STAB2: variants seen among roughly 807,000 people sequenced by gnomAD.
The protein encoded by STAB2 is stabilin-2.
Under a neutral mutation model 338.1 loss-of-function variants are expected in STAB2, and 288 were observed. That is an observed-to-expected ratio of 0.85 (90% CI 0.77 to 0.94). The LOEUF (loss-of-function observed/expected upper bound fraction) is 0.94. Ranked by LOEUF, STAB2 falls within the 40% of genes least tolerant of loss-of-function variation. The pLI is 0.00. For missense variants in STAB2, 3,141 were observed against 3,210.1 expected (o/e 0.98, Z 0.52); for synonymous variants, 1,202 against 1,193.3 (o/e 1.01, Z -0.15).
Position 103,675,990 on chromosome 12 carries a change from C to T in STAB2, c.2615C>T (p.Thr872Ile), listed in dbSNP as rs1876310010. Reference protein sequence around the residue: ...GTLCSEMDPCTGLTPGGCSRN... With the variant: ...GTLCSEMDPCIGLTPGGCSRN... Reference sequence around the variant, plus strand: ...CTGTGTTCTGAGATGGACCCTTGCACAGGACTAACTCCAGGAGGCTGTAGC... The same window carrying T: ...CTGTGTTCTGAGATGGACCCTTGCATAGGACTAACTCCAGGAGGCTGTAGC... The change falls in exon 24 of 69, where the codon ACA (threonine) becomes ATA (isoleucine). Residue 872 changes from threonine (T) to isoleucine (I), a missense_variant. Coordinates refer to ENST00000388887, the MANE Select transcript of STAB2 (RefSeq NM_017564.10). 1.2e-6 allele frequency: 2 copies of T among 1,611,798 alleles called. No homozygotes were observed. Among genetic ancestry groups the T allele is most frequent in the South Asian group, 1.1e-5 (1 of 90,938 alleles).
At chr12:103,629,737 C>T (rs577268073) in intron 5 of STAB2, among the ~76,000 whole-genome samples, 125 of 152,270 alleles carry the variant, frequency 8.2e-4, no homozygotes, top group African/African-American at 2.9e-3. Context: ...TGGCCAGCTC[C>T]CATTGGTTGG....
In STAB2 at chr12:103,690,514, CCTTCA is replaced by C; in HGVS notation, c.3277_3281del (p.His1093GlyfsTer10). 6.2e-7 allele frequency: 1 copy of C among 1,614,074 alleles called. No individual in the cohort carries two copies. Among genetic ancestry groups the C allele is most frequent in the Non-Finnish European group, 8.5e-7 (1 of 1,179,944 alleles). On this transcript the variant is annotated frameshift_variant, in exon 30 of 69. Coordinates refer to ENST00000388887, the MANE Select transcript of STAB2 (RefSeq NM_017564.10). LOFTEE classifies it high-confidence loss of function. ...TGGCAACATCTTTGCAGGGCAACTT[CCTTCA>C]CTTGGCAAAGGTGGATGGGGTAAGA... is the stretch of plus-strand genomic sequence containing the variant.
intron 3 of STAB2, among the ~76,000 whole-genome samples, chr12:103,616,712 G>A (rs941648570): frequency 2.6e-5 from 4 of 152,334 alleles, no homozygotes; most frequent in Non-Finnish European, 4.4e-5. Flanking sequence ...ACAAGAGAGG[G>A]AAATAGTTGG....
At chr12:103,751,835 T>C (rs1883684732) in intron 60 of STAB2, among the ~76,000 whole-genome samples, 1 of 152,106 alleles carries the variant, frequency 6.6e-6, no homozygotes, top group South Asian at 2.1e-4. Flanking sequence ...GCCAAGAAAA[T>C]GTTGGCAGTG....
In STAB2 at chr12:103,675,891, T is replaced by A. The variant is rs769777981; in HGVS notation, c.2553-37T>A. On this transcript the variant is annotated intron_variant, in intron 23 of 68. Transcript: ENST00000388887. ...TGGCTCTCTTCTGGGTCGTTGGTGC[T>A]TATTCTGGGGCTGATATTGCACACT... 3.9e-6 allele frequency: 6 copies of A among 1,552,430 alleles called. No individual in the cohort carries two copies. In the Admixed American group the frequency reaches 7.2e-5, roughly 19 times the overall value.
chr12:103,699,016 C>T, intron 33 of STAB2, 80 bp from the exon 34 acceptor site: 3 of 1,511,204 alleles, frequency 2.0e-6, no homozygotes, highest in South Asian at 1.3e-5. Context: ...TTGTAATCTC[C>T]ACAGTGACAG....
At position 103,650,760 on chromosome 12, in the gene STAB2, G is replaced by GTAAGTGTA. The variant is rs949954043; in HGVS notation, c.1257+183_1257+190dup. Among the ~76,000 whole-genome samples, 3 of 152,262 alleles carry GTAAGTGTA rather than the reference G, an allele frequency of 2.0e-5. No homozygotes were observed. In the East Asian group the frequency reaches 5.8e-4, roughly 29 times the overall value. ...CATCCTTACAGAAAGTATACAAATTGTAAGTGTACAACTCAGTGAATTTTC... is the reference window on the plus strand; with the variant it reads ...CATCCTTACAGAAAGTATACAAATTGTAAGTGTATAAGTGTACAACTCAGTGAATTTTC... On this transcript the variant is annotated intron_variant, in intron 11 of 68. Coordinates refer to ENST00000388887, the MANE Select transcript of STAB2 (RefSeq NM_017564.10).
At chr12:103,686,995 G>C (rs17034372) in intron 27 of STAB2, among the ~76,000 whole-genome samples, 1 of 151,856 alleles carries the variant, frequency 6.6e-6, no homozygotes, top group African/African-American at 2.4e-5. Flanking sequence ...TCACTTTCTT[G>C]CTAACTTACT....
At chr12:103,635,570 C>A (rs1289590263) in intron 6 of STAB2, among the ~76,000 whole-genome samples, 3 of 152,232 alleles carry the variant, frequency 2.0e-5, no homozygotes, top group South Asian at 4.1e-4. Flanking sequence ...ACTGCGCAGG[C>A]CCATGCCTCA....
intron 1 of STAB2, among the ~76,000 whole-genome samples, chr12:103,589,606 A>G (rs1956765038): frequency 6.6e-6 from 1 of 152,214 alleles, no homozygotes; most frequent in African/African-American, 2.4e-5. Context: ...ATGGAGTGCA[A>G]AAACCAACAA....
At chr12:103,593,325 C>T (rs994057118) in intron 2 of STAB2, among the ~76,000 whole-genome samples, 1 of 152,180 alleles carries the variant, frequency 6.6e-6, no homozygotes, top group Non-Finnish European at 1.5e-5. Flanking sequence ...CTTGCCAATA[C>T]TTGTTGCCTT....
At chr12:103,621,926 A>C (rs1416774011) in intron 4 of STAB2, 116 bp from the exon 5 acceptor site, 6 of 874,812 alleles carry the variant, frequency 6.9e-6, no homozygotes, top group Non-Finnish European at 1.1e-5. Context: ...AAGCTCCAGG[A>C]TAGGCACAGA....
intron 63 of STAB2, among the ~76,000 whole-genome samples, chr12:103,756,198 G>A (rs1421818118): frequency 2.0e-5 from 3 of 152,294 alleles, no homozygotes; most frequent in Non-Finnish European, 2.9e-5. Context: ...GTCAATTTGC[G>A]TCTTGCACTG....
At chr12:103,754,843 G>A (rs187433671) in intron 61 of STAB2, among the ~76,000 whole-genome samples, 91 of 152,064 alleles carry the variant, frequency 6.0e-4, no homozygotes, top group African/African-American at 2.1e-3. Context: ...CTACCCAGGA[G>A]GTTGAGACAG....
In STAB2 at chr12:103,628,199, C is replaced by A. The variant is rs528383486; in HGVS notation, c.488-3399C>A. On this transcript the variant is annotated intron_variant, in intron 5 of 68. Transcript: ENST00000388887. ...ATGACACTGCAAATCCAATTTAATTCTTCAGTTATTTGAGGGACTACTTGA... is the reference window on the plus strand; with the variant it reads ...ATGACACTGCAAATCCAATTTAATTATTCAGTTATTTGAGGGACTACTTGA... Among the ~76,000 whole-genome samples the A allele has an allele frequency of 1.4e-4, 21 of 152,320 alleles. No individual in the cohort carries two copies. In the South Asian group the frequency reaches 4.3e-3, roughly 32 times the overall value.
intron 2 of STAB2, among the ~76,000 whole-genome samples, chr12:103,593,004 T>A (rs1368235822): frequency 1.3e-5 from 2 of 152,208 alleles, no homozygotes; most frequent in African/African-American, 4.8e-5. Flanking sequence ...ATTTCCTTCT[T>A]GTTGAGGGCT....
At position 103,705,507 on chromosome 12, in the gene STAB2, AC is replaced by A; in HGVS notation, c.3901-123del. 6 of 737,066 alleles carry A rather than the reference AC, an allele frequency of 8.1e-6. No homozygotes were observed. The South Asian group carries it at 1.1e-4, about 14-fold the overall frequency. 45.7% of individuals were successfully genotyped at this position (737,066 alleles called of 1,614,324 possible). ...GCTTAAGAAGCAGTGCCAACAAGCC[AC>A]CACCTTCTCTTCCCACAACACTTTA... On this transcript the variant is annotated intron_variant, in intron 36 of 68. Transcript: ENST00000388887.
chr12:103,660,544 A>G, intron 16 of STAB2, 139 bp from the exon 17 acceptor site: 2 of 1,282,264 alleles, frequency 1.6e-6, no homozygotes, highest in Admixed American at 3.5e-5. Context: ...CGATCTTCAA[A>G]GCCACAAAAA....
chr12:103,603,460 C>A (rs933430513), intron 3 of STAB2, among the ~76,000 whole-genome samples: 3 of 152,156 alleles, frequency 2.0e-5, no homozygotes, highest in African/African-American at 7.2e-5. Context: ...AGCAACATTT[C>A]TTGAAAAGAT....
Sources: allele counts gnomAD v4.1 joint callset (sites outside exome capture counted in the v4.1 genomes callset), GRCh38; gene constraint gnomAD v4.1.1; transcripts MANE v1.5; gene names NCBI Gene and HGNC (gene_info 2026-07-23, HGNC 2026-07-21).